STARD3NL: variants seen among roughly 807,000 people sequenced by gnomAD.
STARD3NL encodes STARD3 N-terminal-like protein.
A neutral mutation model predicts 30.9 loss-of-function variants in STARD3NL; 17 were observed. The observed-to-expected ratio is 0.55, with a 90% CI of 0.38 to 0.82. STARD3NL has a LOEUF of 0.82. Ranked by LOEUF, STARD3NL falls within the 40% of genes least tolerant of loss-of-function variation. The pLI is 0.00. For missense variants in STARD3NL, 234 were observed against 277.6 expected, an observed-to-expected ratio of 0.84 and a Z score of 1.12; for synonymous variants, 112 against 100.5, an observed-to-expected ratio of 1.11 and a Z score of -0.69.
intron 1 of STARD3NL, among the ~76,000 whole-genome samples, chr7:38,200,654 A>G (rs944412275): frequency 2.0e-5 from 3 of 152,172 alleles, no homozygotes; most frequent in Non-Finnish European, 4.4e-5. Flanking sequence ...ATTTTTCACC[A>G]GTGCTTCCCA....
intron 1 of STARD3NL, among the ~76,000 whole-genome samples, chr7:38,195,565 G>A (rs1407643580): frequency 6.6e-6 from 1 of 152,150 alleles, no homozygotes; most frequent in African/African-American, 2.4e-5. Flanking sequence ...ACAAATTATT[G>A]TATAGTCAAG....
chr7:38,180,715 C>T (rs774117281), intron 1 of STARD3NL, among the ~76,000 whole-genome samples: 1 of 152,176 alleles, frequency 6.6e-6, no homozygotes, highest in Non-Finnish European at 1.5e-5. Flanking sequence ...TCCTGTTAAC[C>T]TCCAACCTTG....
Position 38,223,711 on chromosome 7 carries a change from C to T in STARD3NL, c.649+4051C>T, listed in dbSNP as rs1353931799. 2.7e-5 allele frequency among the ~76,000 whole-genome samples: 4 copies of T among 150,340 alleles called. No homozygotes were observed. In the East Asian group the frequency reaches 5.9e-4, roughly 22 times the overall value. ...TCACCCTATGTGTCGTGAATAGATT[C>T]GAAACACAGCTTTTTCCTTTTAATC... On this transcript the variant is annotated intron_variant, in intron 7 of 8. Coordinates refer to ENST00000009041, the MANE Select transcript of STARD3NL (RefSeq NM_032016.4).
chr7:38,216,739 G>A, intron 4 of STARD3NL: 1 of 445,132 alleles, frequency 2.2e-6, no homozygotes, highest in Non-Finnish European at 4.0e-6. Context: ...CTTTGGAATT[G>A]TACCTTCTGG....
chr7:38,184,969 A>G (rs998261572), intron 1 of STARD3NL, among the ~76,000 whole-genome samples: 3 of 151,898 alleles, frequency 2.0e-5, no homozygotes, highest in African/African-American at 7.3e-5. Context: ...GAAATTAAAG[A>G]GATCCTACTA....
Position 38,207,535 on chromosome 7 carries a change from G to A in STARD3NL, c.31G>A (p.Ala11Thr), listed in dbSNP as rs752557250. The A allele has an allele frequency of 1.7e-5, 28 of 1,613,916 alleles. No homozygotes were observed. The highest frequency in any genetic ancestry group is 2.3e-5 in the Non-Finnish European group (27 of 1,179,916). Residue 11 changes from alanine (A) to threonine (T), a missense_variant, in exon 2 of 9, where the codon GCT (alanine) becomes ACT (threonine). Physicochemically the swap from Ala to Thr is moderately conservative, Grantham distance 58 (BLOSUM62 0). Coordinates refer to ENST00000009041, the MANE Select transcript of STARD3NL (RefSeq NM_032016.4). Reference protein sequence around the residue: MNHLPEDMENALTGSQSSHAS... With the variant: MNHLPEDMENTLTGSQSSHAS... ...CCACCTGCCAGAAGACATGGAGAAC[G>A]CTCTCACCGGGAGCCAGAGCTCCCA...
rs749913957 is a variant in STARD3NL at position 38,214,435 on chromosome 7, G to A, written c.303+1G>A. 1 of 1,574,418 alleles carries A rather than the reference G, an allele frequency of 6.4e-7. No homozygotes were observed. Reference sequence around the variant, plus strand: ...CTATTCTTCATATTTTGATATATTTGTAAGTATTTTTTATGTTTCATTTCA... The same window carrying A: ...CTATTCTTCATATTTTGATATATTTATAAGTATTTTTTATGTTTCATTTCA... On this transcript the variant is annotated splice_donor_variant, in intron 3 of 8. Coordinates refer to ENST00000009041, the MANE Select transcript of STARD3NL (RefSeq NM_032016.4). LOFTEE classifies it high-confidence loss of function.
intron 1 of STARD3NL, among the ~76,000 whole-genome samples, chr7:38,181,353 T>C (rs2115880582): frequency 6.6e-6 from 1 of 152,304 alleles, no homozygotes. Flanking sequence ...CTTAGGTCAG[T>C]GATATAACTT....
chr7:38,186,435 C>T (rs1784461368), intron 1 of STARD3NL, among the ~76,000 whole-genome samples: 1 of 151,980 alleles, frequency 6.6e-6, no homozygotes, highest in South Asian at 2.1e-4. Flanking sequence ...TTATTAGTCT[C>T]CTAAAGGAAA....
At chr7:38,215,429 T>C in intron 4 of STARD3NL, 1 of 328,212 alleles carries the variant, frequency 3.0e-6, no homozygotes, top group Non-Finnish European at 5.5e-6. Context: ...ACAGAGATAT[T>C]TGGAAAATGT....
chr7:38,189,525 GT>G (rs1447726999), intron 1 of STARD3NL, among the ~76,000 whole-genome samples: 5 of 152,202 alleles, frequency 3.3e-5, no homozygotes, highest in Admixed American at 2.0e-4. Context: ...AACTTGGCTT[GT>G]AAAAGCTTGT....
At chr7:38,206,373 G>T (rs978666385) in intron 1 of STARD3NL, among the ~76,000 whole-genome samples, 1 of 152,164 alleles carries the variant, frequency 6.6e-6, no homozygotes, top group East Asian at 1.9e-4. Flanking sequence ...TAGGAGTTCA[G>T]TAGAGCCAGG....
At chr7:38,213,126 A>T (rs1313063055) in intron 2 of STARD3NL, among the ~76,000 whole-genome samples, 1 of 152,124 alleles carries the variant, frequency 6.6e-6, no homozygotes, top group South Asian at 2.1e-4. Context: ...GTGGTAGAGA[A>T]CTCCTGTTTG....
intron 2 of STARD3NL, among the ~76,000 whole-genome samples, chr7:38,208,182 A>C (rs1785598640): frequency 6.6e-6 from 1 of 152,226 alleles, no homozygotes; most frequent in South Asian, 2.1e-4. Flanking sequence ...TTTCAGAAAA[A>C]GTTTACCCAT....
intron 1 of STARD3NL, among the ~76,000 whole-genome samples, chr7:38,197,694 G>A (rs1030479260): frequency 2.0e-5 from 3 of 152,140 alleles, no homozygotes; most frequent in Admixed American, 6.5e-5. Flanking sequence ...TGTCACATGG[G>A]TGCCTTTAGA....
intron 7 of STARD3NL, among the ~76,000 whole-genome samples, chr7:38,222,845 G>A (rs1336314753): frequency 6.6e-6 from 1 of 152,080 alleles, no homozygotes; most frequent in African/African-American, 2.4e-5. Context: ...TATTTGCATT[G>A]TCTGAATGTT....
chr7:38,219,945 G>A (rs1471554341), intron 7 of STARD3NL, among the ~76,000 whole-genome samples: 1 of 152,056 alleles, frequency 6.6e-6, no homozygotes, highest in Non-Finnish European at 1.5e-5. Flanking sequence ...TCATTATTGC[G>A]GTTCATCACC....
At chr7:38,201,027 A>C (rs1289153723) in intron 1 of STARD3NL, among the ~76,000 whole-genome samples, 3 of 151,622 alleles carry the variant, frequency 2.0e-5, no homozygotes, top group Non-Finnish European at 4.4e-5. Flanking sequence ...TAGAAGTCTG[A>C]ACCATATGTT....
At chr7:38,220,348 A>T (rs1786380628) in intron 7 of STARD3NL, among the ~76,000 whole-genome samples, 1 of 152,254 alleles carries the variant, frequency 6.6e-6, no homozygotes, top group South Asian at 2.1e-4. Context: ...AAAGAAGATA[A>T]ACAAATGGCC....
Sources: allele counts gnomAD v4.1 joint callset (sites outside exome capture counted in the v4.1 genomes callset), GRCh38; gene constraint gnomAD v4.1.1; transcripts MANE v1.5; gene names NCBI Gene and HGNC (gene_info 2026-07-23, HGNC 2026-07-21).